OR51B5: variants seen among roughly 807,000 people sequenced by gnomAD.
The protein encoded by OR51B5 is olfactory receptor family 51 subfamily B member 5.
For missense variants in OR51B5, 456 were observed against 374.6 expected (o/e 1.22, Z -1.79); for synonymous variants, 186 against 144.8 (o/e 1.28, Z -2.04).
At position 5,458,318 on chromosome 11, in the gene OR51B5, T is replaced by C. The variant is rs541043692; in HGVS notation, n.84+47251A>G. ...TTTCTGGTTTCTCTAACCTGTTCCATTTGTCTATTTGTACCAGTAAAATGC... is the reference window on the plus strand; with the variant it reads ...TTTCTGGTTTCTCTAACCTGTTCCACTTGTCTATTTGTACCAGTAAAATGC... On this transcript the variant is annotated intron_variant and non_coding_transcript_variant, in intron 1 of 4. Transcript: ENST00000415970. 5.9e-5 allele frequency among the ~76,000 whole-genome samples: 9 copies of C among 152,304 alleles called. No individual in the cohort carries two copies. In the South Asian group the frequency reaches 1.7e-3, roughly 28 times the overall value.
chr11:5,372,056 C>T (rs1849455661), intron 1 of OR51B5, among the ~76,000 whole-genome samples: 1 of 151,988 alleles, frequency 6.6e-6, no homozygotes. Flanking sequence ...TTTATACATT[C>T]CCCCCATCTC....
Position 5,412,184 on chromosome 11 carries a change from T to A in OR51B5, n.85-65274A>T, listed in dbSNP as rs543937143. Among the ~76,000 whole-genome samples the A allele has an allele frequency of 4.7e-4, 72 of 152,308 alleles. 3 individuals are homozygous for A. In the South Asian group the frequency reaches 0.014, roughly 29 times the overall value. ...GGATCTTTACAGATATGGTAGTCCT[T>A]CTGATATGCAAATCATTTGCCAGAA... On this transcript the variant is annotated intron_variant and non_coding_transcript_variant, in intron 1 of 4. Coordinates refer to the OR51B5 transcript ENST00000415970.
At chr11:5,464,389 T>C (rs1389832018) in intron 1 of OR51B5, among the ~76,000 whole-genome samples, 8 of 148,722 alleles carry the variant, frequency 5.4e-5, no homozygotes, top group Non-Finnish European at 9.1e-5. Flanking sequence ...CTGCACCCAC[T>C]AACTCGTCAT....
At chr11:5,406,250 A>T (rs369509705) in intron 1 of OR51B5, among the ~76,000 whole-genome samples, 1 of 152,302 alleles carries the variant, frequency 6.6e-6, no homozygotes. Context: ...TTCTCCTTAG[A>T]TGTTTCTCAG....
At chr11:5,345,858 T>TTCTGGCTTGATGTCAAGGAATAAAAAA (rs1848982104), upstream of OR51B5, 1 of 151,796 alleles carries the variant, frequency 6.6e-6, no homozygotes, top group South Asian at 2.1e-4. Flanking sequence ...AACTCAGCAC[T>TTCTGGCTTGATGTCAAGGAATAAAAAA]TTGAAAGAAT....
At chr11:5,358,087 G>T (rs1044063321) in intron 1 of OR51B5, among the ~76,000 whole-genome samples, 7 of 151,464 alleles carry the variant, frequency 4.6e-5, no homozygotes, top group African/African-American at 9.7e-5. Flanking sequence ...AAGAACTAGA[G>T]AAGCAAGAGC....
upstream of OR51B5, among the ~76,000 whole-genome samples, chr11:5,345,520 A>G (rs541287356): frequency 6.6e-6 from 1 of 152,160 alleles, no homozygotes; most frequent in Non-Finnish European, 1.5e-5. Context: ...TGGTGAAGCC[A>G]TTTACTCAAA....
chr11:5,366,641 GAGGAAGGAAGGGAAGGAA>G (rs1473235783), intron 1 of OR51B5, among the ~76,000 whole-genome samples: 4 of 150,808 alleles, frequency 2.7e-5, no homozygotes, highest in South Asian at 4.2e-4. Context: ...GGTAGGGAGG[GAGGAAGGAAGGGAAGGAA>G]AGGAAGGAAG....
At chr11:5,414,311 C>A (rs61894082) in intron 1 of OR51B5, among the ~76,000 whole-genome samples, 5 of 146,830 alleles carry the variant, frequency 3.4e-5, no homozygotes, top group Non-Finnish European at 7.6e-5. Flanking sequence ...ACAACCGGTA[C>A]CAGCCACTGC....
At chr11:5,396,997 C>A (rs1471188972) in intron 1 of OR51B5, among the ~76,000 whole-genome samples, 2 of 152,136 alleles carry the variant, frequency 1.3e-5, no homozygotes, top group African/African-American at 2.4e-5. Flanking sequence ...AACTGGCTAG[C>A]CAAATGTAGG....
At chr11:5,382,672 C>T (rs556248313) in intron 1 of OR51B5, among the ~76,000 whole-genome samples, 2 of 152,294 alleles carry the variant, frequency 1.3e-5, no homozygotes, top group Admixed American at 1.3e-4. Context: ...TCCTATTGTA[C>T]CGAAGCCAGA....
chr11:5,398,646 G>T (rs190905601), intron 1 of OR51B5, among the ~76,000 whole-genome samples: 1 of 152,102 alleles, frequency 6.6e-6, no homozygotes, highest in Non-Finnish European at 1.5e-5. Flanking sequence ...ATATGTCGGG[G>T]GAGGGACCAG....
At chr11:5,371,913 TC>T in intron 1 of OR51B5, among the ~76,000 whole-genome samples, 2 of 152,272 alleles carry the variant, frequency 1.3e-5, no homozygotes, top group South Asian at 4.1e-4. Flanking sequence ...ATTTTCTCTT[TC>T]TTTCTTCCCC....
Position 5,454,020 on chromosome 11 carries a change from T to C in OR51B5, n.84+51549A>G, listed in dbSNP as rs761527002. 1.6e-5 allele frequency: 26 copies of C among 1,613,958 alleles called. No individual in the cohort carries two copies. In the Admixed American group the frequency reaches 4.3e-4, roughly 27 times the overall value. On this transcript the variant is annotated intron_variant and non_coding_transcript_variant, in intron 1 of 4. Coordinates refer to the OR51B5 transcript ENST00000415970. ...CAGATCCAATGTTCTTTCTCACTCC[T>C]ACTGCCTGCACCCAGACATGATGAG... is the stretch of plus-strand genomic sequence containing the variant.
chr11:5,361,143 TAAAAG>T (rs1478613836), intron 1 of OR51B5, among the ~76,000 whole-genome samples: 3 of 128,724 alleles, frequency 2.3e-5, no homozygotes, highest in East Asian at 2.0e-4. Flanking sequence ...AGTATAATAA[TAAAAG>T]AAAGAAAGAA....
At chr11:5,358,435 T>G (rs1460478227) in intron 1 of OR51B5, among the ~76,000 whole-genome samples, 1 of 152,128 alleles carries the variant, frequency 6.6e-6, no homozygotes, top group Non-Finnish European at 1.5e-5. Context: ...CTCCCAAGAC[T>G]AAACCAGGAA....
chr11:5,495,781 CAT>C (rs1441116334), intron 1 of OR51B5, among the ~76,000 whole-genome samples: 1 of 152,172 alleles, frequency 6.6e-6, no homozygotes, highest in African/African-American at 2.4e-5. Flanking sequence ...CCAATCAAAA[CAT>C]ATAGAGTGAC....
At chr11:5,454,523 C>T in intron 1 of OR51B5, 1 of 1,093,960 alleles carries the variant, frequency 9.1e-7, no homozygotes, top group Non-Finnish European at 1.3e-6. Flanking sequence ...AGATTGTGTG[C>T]TGCGGGAAAA....
chr11:5,374,209 C>G (rs561448495), intron 1 of OR51B5, among the ~76,000 whole-genome samples: 1 of 152,170 alleles, frequency 6.6e-6, no homozygotes, highest in Non-Finnish European at 1.5e-5. Flanking sequence ...GCTGCTGATA[C>G]CCAGGCAAAC....
Sources: allele counts gnomAD v4.1 joint callset (sites outside exome capture counted in the v4.1 genomes callset), GRCh38; gene constraint gnomAD v4.1.1; transcripts MANE v1.5; gene names NCBI Gene and HGNC (gene_info 2026-07-23, HGNC 2026-07-21).